ENOX1: variants seen among roughly 807,000 people sequenced by gnomAD.
The protein encoded by ENOX1 is candidate growth-related and time keeping constitutive hydroquinone (NADH) oxidase.
ENOX1 carries 42 observed loss-of-function variants against 82.5 expected under a neutral mutation model. The observed-to-expected ratio is 0.51, with a 90% CI of 0.40 to 0.66. The LOEUF (loss-of-function observed/expected upper bound fraction) is 0.66, where lower values mean the gene tolerates loss of function less well. Ranked by LOEUF, ENOX1 falls within the 30% of genes least tolerant of loss-of-function variation. ENOX1 has a pLI of 0.00. For missense variants in ENOX1, 608 were observed against 811.6 expected, an observed-to-expected ratio of 0.75 and a Z score of 3.05; for synonymous variants, 271 against 282.2, an observed-to-expected ratio of 0.96 and a Z score of 0.40.
chr13:43,781,478 C>T (rs1163472373), intron 1 of ENOX1, among the ~76,000 whole-genome samples: 2 of 152,016 alleles, frequency 1.3e-5, no homozygotes, highest in African/African-American at 4.8e-5. Context: ...TGAAAAACTA[C>T]CATACACAGT....
chr13:43,730,138 C>T (rs1289460335), intron 1 of ENOX1, among the ~76,000 whole-genome samples: 1 of 152,222 alleles, frequency 6.6e-6, no homozygotes, highest in African/African-American at 2.4e-5. Context: ...AATTTTTCTA[C>T]CATCCATATG....
intron 2 of ENOX1, among the ~76,000 whole-genome samples, chr13:43,609,463 T>A (rs531482965): frequency 6.6e-6 from 1 of 152,346 alleles, no homozygotes; most frequent in South Asian, 2.1e-4. Flanking sequence ...ATGTGAGTTA[T>A]GTGACTGTGA....
chr13:43,446,077 C>T (rs184539085), intron 3 of ENOX1, among the ~76,000 whole-genome samples: 7 of 152,212 alleles, frequency 4.6e-5, no homozygotes, highest in Admixed American at 3.9e-4. Flanking sequence ...GAAAAGAAAT[C>T]AAGGGAGGGA....
chr13:43,781,977 C>T (rs1952297606), intron 1 of ENOX1, among the ~76,000 whole-genome samples: 1 of 152,132 alleles, frequency 6.6e-6, no homozygotes, highest in Non-Finnish European at 1.5e-5. Context: ...GCAATCATCC[C>T]ATTTGGGTGG....
chr13:43,708,140 C>T (rs2087438998), intron 1 of ENOX1, among the ~76,000 whole-genome samples: 1 of 152,166 alleles, frequency 6.6e-6, no homozygotes, highest in African/African-American at 2.4e-5. Flanking sequence ...AGCATGAGCA[C>T]TAAAAGGCAA....
chr13:43,568,273 T>A (rs574116727), intron 2 of ENOX1, among the ~76,000 whole-genome samples: 1 of 152,278 alleles, frequency 6.6e-6, no homozygotes, highest in East Asian at 1.9e-4. Flanking sequence ...TCCTCTTGCA[T>A]GAAACCTCTT....
intron 2 of ENOX1, among the ~76,000 whole-genome samples, chr13:43,492,576 T>C (rs1566369778): frequency 6.6e-6 from 1 of 152,154 alleles, no homozygotes; most frequent in Non-Finnish European, 1.5e-5. Flanking sequence ...TGAACATAAT[T>C]ATGTGACTGG....
At chr13:43,718,205 A>G (rs996370679) in intron 1 of ENOX1, among the ~76,000 whole-genome samples, 1 of 95,048 alleles carries the variant, frequency 1.1e-5, no homozygotes, top group African/African-American at 2.7e-5. Flanking sequence ...GCAGCCATAC[A>G]AAAGTGAAAT....
At chr13:43,553,509 C>T (rs2079296035) in intron 2 of ENOX1, among the ~76,000 whole-genome samples, 1 of 152,146 alleles carries the variant, frequency 6.6e-6, no homozygotes, top group Non-Finnish European at 1.5e-5. Flanking sequence ...CTGCCTTATC[C>T]CTTTTTGATG....
chr13:43,382,909 T>C (rs2153576493), intron 5 of ENOX1, among the ~76,000 whole-genome samples: 1 of 152,352 alleles, frequency 6.6e-6, no homozygotes, highest in Non-Finnish European at 1.5e-5. Flanking sequence ...GAATGCATGA[T>C]AGGAGGGCAT....
At chr13:43,300,834 G>A (rs560372342) in intron 11 of ENOX1, among the ~76,000 whole-genome samples, 32 of 151,578 alleles carry the variant, frequency 2.1e-4, no homozygotes, top group African/African-American at 7.6e-4. Context: ...GTGTATGTGT[G>A]TGCAAAACCA....
chr13:43,587,166 T>C (rs187809732), intron 2 of ENOX1, among the ~76,000 whole-genome samples: 31 of 152,268 alleles, frequency 2.0e-4, no homozygotes, highest in African/African-American at 6.5e-4. Context: ...AAAAGATAGA[T>C]TTAGGGTAAG....
intron 1 of ENOX1, among the ~76,000 whole-genome samples, chr13:43,770,822 C>T (rs780970380): frequency 6.0e-5 from 9 of 150,276 alleles, no homozygotes; most frequent in Admixed American, 1.3e-4. Flanking sequence ...AGTGTTTACC[C>T]GGGTGCAACA....
intron 1 of ENOX1, among the ~76,000 whole-genome samples, chr13:43,700,727 T>C (rs754559841): frequency 3.9e-5 from 6 of 152,154 alleles, no homozygotes; most frequent in Non-Finnish European, 8.8e-5. Context: ...TATAGTCACA[T>C]GATAGTTGTA....
intron 5 of ENOX1, among the ~76,000 whole-genome samples, chr13:43,386,618 T>C (rs1447737115): frequency 3.9e-5 from 6 of 152,208 alleles, no homozygotes; most frequent in Non-Finnish European, 5.9e-5. Flanking sequence ...CATTGTTGAC[T>C]TGGATGTAAA....
At chr13:43,248,173 C>A (rs2043248407) in intron 14 of ENOX1, among the ~76,000 whole-genome samples, 1 of 151,592 alleles carries the variant, frequency 6.6e-6, no homozygotes. Context: ...GCGTGAGCCA[C>A]CGCGCCCGGC....
chr13:43,641,636 C>T (rs2153767103), intron 2 of ENOX1, among the ~76,000 whole-genome samples: 1 of 129,634 alleles, frequency 7.7e-6, no homozygotes, highest in African/African-American at 2.9e-5. Context: ...CCCAGTTTGA[C>T]ACCATTCTCC....
intron 2 of ENOX1, among the ~76,000 whole-genome samples, chr13:43,630,862 C>T (rs377538082): frequency 1.8e-5 from 2 of 112,450 alleles, no homozygotes; most frequent in African/African-American, 9.3e-5. Context: ...TATATATATA[C>T]ACACACACAC....
At chr13:43,561,714 G>A (rs2079678791) in intron 2 of ENOX1, among the ~76,000 whole-genome samples, 1 of 151,944 alleles carries the variant, frequency 6.6e-6, no homozygotes, top group Admixed American at 6.6e-5. Flanking sequence ...CAAGGGCCAG[G>A]CACAGTGGCT....
Sources: gnomAD v4.1 joint callset for allele counts (sites outside exome capture counted in the v4.1 genomes callset) on GRCh38, gnomAD v4.1.1 for gene constraint, MANE v1.5 for transcripts, NCBI Gene and HGNC (gene_info 2026-07-23, HGNC 2026-07-21) for gene names.